SCN9A: variants seen among roughly 807,000 people sequenced by gnomAD.
The protein encoded by SCN9A is sodium channel protein type 9 subunit alpha.
In SCN9A, 131 loss-of-function variants were observed where a neutral mutation model predicts 187.0. The observed-to-expected ratio is 0.70, with a 90% CI of 0.61 to 0.81. The LOEUF is 0.81. Among genes scored for constraint, SCN9A ranks in the 30% least tolerant of loss-of-function variants. SCN9A has a pLI of 0.00. For missense variants in SCN9A, 2,252 were observed against 2,396.6 expected (o/e 0.94, Z 1.26); for synonymous variants, 809 against 808.6 (o/e 1.00, Z -0.01).
intron 24 of SCN9A, among the ~76,000 whole-genome samples, chr2:166,212,268 T>C (rs1445292620): frequency 1.3e-5 from 2 of 152,160 alleles, no homozygotes; most frequent in African/African-American, 4.8e-5. Context: ...TCACATTCCA[T>C]GAATACAGTG....
intron 1 of SCN9A, among the ~76,000 whole-genome samples, chr2:166,332,831 G>A (rs1699538598): frequency 6.6e-6 from 1 of 151,712 alleles, no homozygotes. Context: ...ACAAAACCAA[G>A]CCATTATTTA....
At chr2:166,337,719 G>A (rs1244285079) in intron 1 of SCN9A, among the ~76,000 whole-genome samples, 3 of 152,068 alleles carry the variant, frequency 2.0e-5, no homozygotes, top group Admixed American at 1.3e-4. Context: ...TGCAAGCCAG[G>A]CTACCTTCTT....
At chr2:166,280,190 T>C (rs1697413401) in intron 14 of SCN9A, among the ~76,000 whole-genome samples, 167 bp downstream of exon 14, 1 of 152,172 alleles carries the variant, frequency 6.6e-6, no homozygotes, top group Admixed American at 6.6e-5. Flanking sequence ...ACAATTATTT[T>C]AAAAGACATA....
intron 19 of SCN9A, among the ~76,000 whole-genome samples, chr2:166,239,726 A>C (rs1574784282): frequency 6.6e-6 from 1 of 152,156 alleles, no homozygotes; most frequent in East Asian, 1.9e-4. Flanking sequence ...CTTGAAATAC[A>C]AAGACAAGGA....
intron 1 of SCN9A, among the ~76,000 whole-genome samples, chr2:166,341,997 G>A (rs761671328): frequency 6.6e-6 from 1 of 152,046 alleles, no homozygotes; most frequent in East Asian, 1.9e-4. Context: ...ACATAGGGAG[G>A]GTTGCAGACT....
At chr2:166,269,922 T>C (rs1696901650) in intron 17 of SCN9A, among the ~76,000 whole-genome samples, 2 of 152,072 alleles carry the variant, frequency 1.3e-5, no homozygotes, top group South Asian at 2.1e-4. Flanking sequence ...TTTATAATTT[T>C]AATCTTCTTT....
rs1047875664 is a variant in SCN9A, at chr2:166,236,721, C to A, written c.3801+1373G>T. On this transcript the variant is annotated intron_variant, in intron 20 of 26. Transcript: ENST00000642356. Reference sequence around the variant, plus strand: ...TACAGGCGTGAGCTACCGCGCCTGGCCAGAAGCCAAAAGTTTATGAAGCTT... The same window carrying A: ...TACAGGCGTGAGCTACCGCGCCTGGACAGAAGCCAAAAGTTTATGAAGCTT... 2.6e-5 allele frequency among the ~76,000 whole-genome samples: 4 copies of A among 152,086 alleles called. No individual in the cohort carries two copies. The East Asian group carries it at 7.7e-4, about 29-fold the overall frequency.
chr2:166,333,638 G>T (rs549805500), intron 1 of SCN9A, among the ~76,000 whole-genome samples: 1 of 150,866 alleles, frequency 6.6e-6, no homozygotes, highest in Non-Finnish European at 1.5e-5. Context: ...GACATAACTT[G>T]TTTTTTTTTA....
intron 26 of SCN9A, among the ~76,000 whole-genome samples, chr2:166,201,258 A>G (rs1451622902): frequency 7.1e-6 from 1 of 141,000 alleles, no homozygotes; most frequent in Non-Finnish European, 1.5e-5. Flanking sequence ...GTATACATAT[A>G]CTATACATAT....
chr2:166,351,474 G>C (rs1367882039), intron 1 of SCN9A, among the ~76,000 whole-genome samples: 1 of 152,168 alleles, frequency 6.6e-6, no homozygotes, highest in Non-Finnish European at 1.5e-5. Flanking sequence ...CCAAAAGACT[G>C]ATGTATATTT....
chr2:166,300,388 T>C lies in SCN9A; in HGVS notation c.901+2702A>G, dbSNP rs1233125259. On this transcript the variant is annotated intron_variant, in intron 7 of 26. Transcript: ENST00000642356. ...TAGACTCACACCCACACTTAAACTA[T>C]TTTATGGCTTCTTACTATCTTTTAG... Among the ~76,000 whole-genome samples, 4 of 150,894 alleles carry C rather than the reference T, an allele frequency of 2.7e-5. 1 individual carries two copies. Among genetic ancestry groups the C allele is most frequent in the African/African-American group, 5.0e-5 (2 of 40,244 alleles).
At chr2:166,290,550 C>A (rs1352774030) in intron 9 of SCN9A, among the ~76,000 whole-genome samples, 2 of 152,158 alleles carry the variant, frequency 1.3e-5, no homozygotes, top group African/African-American at 4.8e-5. Context: ...AAAAGTGCTA[C>A]TATTTCTTCA....
chr2:166,262,627 T>C (rs1285225080), intron 17 of SCN9A, among the ~76,000 whole-genome samples: 2 of 151,976 alleles, frequency 1.3e-5, no homozygotes, highest in South Asian at 4.1e-4. Flanking sequence ...TGCCTTTCTA[T>C]GGCATGTAGT....
At position 166,202,758 on chromosome 2, in the gene SCN9A, A is replaced by C. The variant is rs1011385757; in HGVS notation, c.4774+1197T>G. On this transcript the variant is annotated intron_variant, in intron 26 of 26. Transcript: ENST00000642356. Reference sequence around the variant, plus strand: ...ATTGCAATTGTGAATCAGATTTTCTAATTTTTTTCATGTATAAGATAATTA... The same window carrying C: ...ATTGCAATTGTGAATCAGATTTTCTCATTTTTTTCATGTATAAGATAATTA... Among the ~76,000 whole-genome samples the C allele has an allele frequency of 1.3e-3, 195 of 151,824 alleles. 1 individual carries two copies. Among genetic ancestry groups the C allele is most frequent in the Non-Finnish European group, 2.1e-4 (14 of 67,700 alleles).
intron 17 of SCN9A, among the ~76,000 whole-genome samples, chr2:166,262,800 G>T (rs1574828389): frequency 6.6e-6 from 1 of 152,088 alleles, no homozygotes; most frequent in Non-Finnish European, 1.5e-5. Context: ...TATAATGTGT[G>T]TAAAGGGGCT....
intron 1 of SCN9A, among the ~76,000 whole-genome samples, chr2:166,316,031 AAAAT>A (rs1461537389): frequency 6.6e-6 from 1 of 152,244 alleles, no homozygotes; most frequent in African/African-American, 2.4e-5. Flanking sequence ...CACCAAAGGC[AAAAT>A]CGAAAAAGAT....
intron 24 of SCN9A, chr2:166,205,337 G>C (rs1348613331): frequency 1.3e-5 from 2 of 152,242 alleles, no homozygotes; most frequent in Non-Finnish European, 1.5e-5. Flanking sequence ...GAACAGAACA[G>C]AGGCCTCAGA....
At chr2:166,267,676 G>C (rs1227464358) in intron 17 of SCN9A, among the ~76,000 whole-genome samples, 2 of 151,912 alleles carry the variant, frequency 1.3e-5, no homozygotes, top group Non-Finnish European at 2.9e-5. Flanking sequence ...CATCAGTGAA[G>C]CCATGTGGTC....
intron 1 of SCN9A, among the ~76,000 whole-genome samples, chr2:166,342,179 G>C (rs1238956421): frequency 6.6e-6 from 1 of 152,172 alleles, no homozygotes; most frequent in African/African-American, 2.4e-5. Flanking sequence ...CGTATGTATA[G>C]ACTATATAAT....
Sources: gnomAD v4.1 joint callset for allele counts (sites outside exome capture counted in the v4.1 genomes callset) on GRCh38, gnomAD v4.1.1 for gene constraint, MANE v1.5 for transcripts, NCBI Gene and HGNC (gene_info 2026-07-23, HGNC 2026-07-21) for gene names.